Variants in GGA1 observed in about 807,000 individuals in gnomAD.
GGA1 encodes golgi associated, gamma adaptin ear containing, ARF binding protein 1, also known as ADP-ribosylation factor-binding protein GGA1.
GGA1 carries 18 observed loss-of-function variants against 76.9 expected under a neutral mutation model. The observed-to-expected ratio is 0.23, with a 90% CI of 0.16 to 0.35. The LOEUF is 0.35. Ranked by LOEUF, GGA1 falls within the 10% of genes least tolerant of loss-of-function variation. The pLI is 1.00. For synonymous variants in GGA1, 342 were observed against 354.7 expected (o/e 0.96, Z 0.40); for missense variants, 755 against 859.0 (o/e 0.88, Z 1.51).
At chr22:37,618,412 C>G in intron 3 of GGA1, 36 bp from the exon 4 acceptor site, 1 of 1,322,142 alleles carries the variant, frequency 7.6e-7, no homozygotes. Context: ...CTCTGATGCA[C>G]CTGGGCGTCC....
In GGA1 at chr22:37,625,191, C is replaced by A; in HGVS notation, c.940+115C>A. On this transcript the variant is annotated intron_variant, in intron 10 of 16. Coordinates refer to ENST00000343632, the MANE Select transcript of GGA1 (RefSeq NM_013365.5). This position sits in a 1 kb window ranked among gnomAD's most constrained non-coding sequence, Gnocchi z 4.1. ...GGAATGACTGCCAGGGTGACCCTGG[C>A]CCCTTAAGATGGGGAAGGCCCCAGG... 1.0e-6 allele frequency: 1 copy of A among 953,986 alleles called. No individual in the cohort carries two copies. The highest frequency in any genetic ancestry group is 1.6e-6 in the Non-Finnish European group (1 of 630,652). The allele number at this position is 953,986 out of a possible 1,614,324, so 59.1% of individuals were successfully genotyped here. A position where few individuals can be genotyped will look rare whatever the true frequency, so the allele number is the denominator to read the frequency against.
In GGA1 at chr22:37,608,882, G is replaced by C. The variant is rs1212633135; in HGVS notation, c.22G>C (p.Glu8Gln). 2 of 1,310,478 alleles carry C rather than the reference G, an allele frequency of 1.5e-6. No homozygotes were observed. Among genetic ancestry groups the C allele is most frequent in the Non-Finnish European group, 1.9e-6 (2 of 1,029,752 alleles). The allele number at this position is 1,310,478 out of a possible 1,614,324, so 81.2% of individuals were successfully genotyped here. The stretch of plus-strand genomic sequence containing the variant: ...GCGGATGGAGCCCGCGATGGAGCCG[G>C]AGACTCTGGAGGCGCGAATCAGTGA... Reference protein sequence around the residue: MEPAMEPETLEARINRAT... With the variant: MEPAMEPQTLEARINRAT... The change falls in exon 1 of 17, where the codon GAG becomes CAG. Residue 8 changes from glutamate to glutamine, a missense_variant. Transcript: ENST00000343632.
chr22:37,626,226 C>G, intron 11 of GGA1: 1 of 331,644 alleles, frequency 3.0e-6, no homozygotes, highest in East Asian at 4.6e-5. Context: ...GGGGGGAAAC[C>G]AGGGGATTTC....
chr22:37,623,603 A>G lies in GGA1; in HGVS notation c.802A>G (p.Ser268Gly). Residue 268 changes from serine (S) to glycine (G), a missense_variant, in exon 9 of 17, where the codon AGT becomes GGT. By Grantham distance (56) the Ser-to-Gly change is moderately conservative (BLOSUM62 0). Coordinates refer to ENST00000343632, the MANE Select transcript of GGA1 (RefSeq NM_013365.5). The surrounding 1 kb of genome is among the most constrained non-coding windows in gnomAD (Gnocchi z 4.6). ...GCGGCCCACGCTCTTCCGACTGGCG[A>G]GTGACACAGAGGACAATGATGAGGC... ...RMRPTLFRLA[S>G]DTEDNDEALA... 1 of 1,596,406 alleles carries G rather than the reference A, an allele frequency of 6.3e-7. No homozygotes were observed. The highest frequency in any genetic ancestry group is 2.3e-5 in the East Asian group (1 of 44,038).
chr22:37,617,817 G>A, intron 3 of GGA1: 6 of 953,576 alleles, frequency 6.3e-6, no homozygotes, highest in Non-Finnish European at 7.5e-6. Context: ...GCCTATATAA[G>A]GTTTTTTTAA....
chr22:37,623,528 ACCCG>A lies in GGA1; in HGVS notation c.751-20_751-17del, dbSNP rs771984370. The A allele has an allele frequency of 6.2e-7, 1 of 1,612,272 alleles. No homozygotes were observed. The highest frequency in any genetic ancestry group is 8.5e-7 in the Non-Finnish European group (1 of 1,178,992). ...CACTCCACAGCCCACGCGGACCCTG[ACCCG>A]CCCATCCTGCTGCCCTCAGGAACTG... is the stretch of plus-strand genomic sequence containing the variant. On this transcript the variant is annotated intron_variant, in intron 8 of 16. Coordinates refer to ENST00000343632, the MANE Select transcript of GGA1 (RefSeq NM_013365.5). This position sits in a 1 kb window ranked among gnomAD's most constrained non-coding sequence, Gnocchi z 4.6.
At chr22:37,620,692 C>T (rs915021972) in intron 5 of GGA1, 121 bp from the exon 6 acceptor site, 3 of 725,554 alleles carry the variant, frequency 4.1e-6, no homozygotes, top group East Asian at 2.5e-5. Flanking sequence ...CCAGAGCCAG[C>T]GTGCTGGCAA....
chr22:37,621,177 T>G (rs1414902622), intron 6 of GGA1, among the ~76,000 whole-genome samples: 1 of 152,224 alleles, frequency 6.6e-6, no homozygotes, highest in Non-Finnish European at 1.5e-5. Flanking sequence ...TATAAGAATT[T>G]CACTAATTTT....
chr22:37,611,096 C>T (rs1255501379), intron 1 of GGA1, among the ~76,000 whole-genome samples: 1 of 152,208 alleles, frequency 6.6e-6, no homozygotes, highest in Non-Finnish European at 1.5e-5. Flanking sequence ...GATTCTCTAA[C>T]TTTAGACTGA....
intron 4 of GGA1, among the ~76,000 whole-genome samples, chr22:37,618,959 T>C (rs1929327208): frequency 6.6e-6 from 1 of 152,210 alleles, no homozygotes; most frequent in South Asian, 2.1e-4. Flanking sequence ...GCAACCTCCC[T>C]GGACCTCAGC....
intron 11 of GGA1, 82 bp from the exon 12 acceptor site, chr22:37,629,380 T>C: frequency 1.1e-6 from 1 of 935,556 alleles, no homozygotes; most frequent in Non-Finnish European, 1.7e-6. Flanking sequence ...GGGAGCCCCA[T>C]GCCAGCACAC....
intron 1 of GGA1, among the ~76,000 whole-genome samples, chr22:37,609,774 G>T (rs1927159975): frequency 6.6e-6 from 1 of 152,164 alleles, no homozygotes; most frequent in South Asian, 2.1e-4. Context: ...CCCTGGTCTA[G>T]TGAGGGTTCT....
In GGA1 at chr22:37,609,199, A is replaced by T. The variant is rs550755037; in HGVS notation, c.43+296A>T. The T allele has an allele frequency of 1.4e-4, 182 of 1,334,624 alleles. 1 individual carries two copies. The African/African-American group carries it at 1.8e-3, about 13-fold the overall frequency. 82.7% of individuals were successfully genotyped at this position (1,334,624 alleles called of 1,614,324 possible). A position where few individuals can be genotyped will look rare whatever the true frequency, so the allele number is the denominator to read the frequency against. On this transcript the variant is annotated intron_variant, in intron 1 of 16. Transcript: ENST00000343632. Reference sequence around the variant, plus strand: ...CCCGGGACGGAGAGAGCAGCCTCCAACCCCCAAGGCTCACATTGCTTCACG... The same window carrying T: ...CCCGGGACGGAGAGAGCAGCCTCCATCCCCCAAGGCTCACATTGCTTCACG...
Position 37,623,717 on chromosome 22 carries a change from T to C in GGA1, c.832+84T>C. On this transcript the variant is annotated intron_variant, in intron 9 of 16. Transcript: ENST00000343632. The surrounding 1 kb of genome is among the most constrained non-coding windows in gnomAD (Gnocchi z 4.6). ...CACCTCCCCCAGGCCCTGCTAAGTA[T>C]CTGCAGTTGGAAGGAGCCACCACCA... 4.0e-6 allele frequency: 4 copies of C among 991,566 alleles called. No homozygotes were observed. The highest frequency in any genetic ancestry group is 4.6e-6 in the Non-Finnish European group (3 of 653,400). 61.4% of individuals were successfully genotyped at this position (991,566 alleles called of 1,614,324 possible).
chr22:37,632,244 CA>C lies in GGA1; in HGVS notation c.1698+80del, dbSNP rs1243002444. ...TGGAGCTGGGTGGGGAGCCACCTGT[CA>C]GGGGGCAGGTCTCCCTCCCTTGCTG... On this transcript the variant is annotated intron_variant, in intron 15 of 16. Coordinates refer to ENST00000343632, the MANE Select transcript of GGA1 (RefSeq NM_013365.5). This position sits in a 1 kb window ranked among gnomAD's most constrained non-coding sequence, Gnocchi z 5.1. 6.3e-6 allele frequency: 9 copies of C among 1,432,568 alleles called. No individual in the cohort carries two copies. The African/African-American group carries it at 1.1e-4, about 18-fold the overall frequency. The allele number at this position is 1,432,568 out of a possible 1,614,324, so 88.7% of individuals were successfully genotyped here.
Position 37,625,764 on chromosome 22 carries a change from C to T in GGA1, c.941-33C>T, listed in dbSNP as rs1930700616. 2 of 1,525,004 alleles carry T rather than the reference C, an allele frequency of 1.3e-6. No individual in the cohort carries two copies. The highest frequency in any genetic ancestry group is 1.8e-6 in the Non-Finnish European group (2 of 1,127,200). The allele number at this position is 1,525,004 out of a possible 1,614,324, so 94.5% of individuals were successfully genotyped here. A position where few individuals can be genotyped will look rare whatever the true frequency, so the allele number is the denominator to read the frequency against. On this transcript the variant is annotated intron_variant, in intron 10 of 16. Transcript: ENST00000343632. This position sits in a 1 kb window ranked among gnomAD's most constrained non-coding sequence, Gnocchi z 4.1. ...GGACTCTGAGAGACACGTGTACACC[C>T]AGGACTTGCCAGCCTCTTCTTTCCC...
rs539805120 is a variant in GGA1 at position 37,619,442 on chromosome 22, G to A, written c.304-796G>A. Among the ~76,000 whole-genome samples the A allele has an allele frequency of 2.1e-3, 315 of 149,322 alleles. 1 individual carries two copies. The highest frequency in any genetic ancestry group is 4.7e-3 in the Admixed American group (70 of 14,826). ...CACCCAAGCTGGAGTGCAATGGCGC[G>A]ATCTCAGCTCACTGCACCCTCCACC... On this transcript the variant is annotated intron_variant, in intron 4 of 16. Coordinates refer to ENST00000343632, the MANE Select transcript of GGA1 (RefSeq NM_013365.5).
In GGA1 at chr22:37,629,462, G is replaced by T. The variant is rs1931400019; in HGVS notation, c.1094G>T (p.Gly365Val). 6.3e-7 allele frequency: 1 copy of T among 1,591,494 alleles called. No homozygotes were observed. Among genetic ancestry groups the T allele is most frequent in the Non-Finnish European group, 8.5e-7 (1 of 1,169,606 alleles). ...CACCTCTCTCCTGCTTTCCCCTCAG[G>T]CCTCAGTGACCCCACACCCCCTTCA... ...SLLDDELMSL[G>V]LSDPTPPSGP... The change falls in exon 12 of 17, where the codon GGC becomes GTC. Residue 365 changes from glycine (G) to valine (V), a missense_variant and splice_region_variant. Coordinates refer to ENST00000343632, the MANE Select transcript of GGA1 (RefSeq NM_013365.5).
At chr22:37,609,316 A>G in intron 1 of GGA1, 1 of 1,107,906 alleles carries the variant, frequency 9.0e-7, no homozygotes, top group Non-Finnish European at 1.1e-6. Flanking sequence ...TCAGGCCCCG[A>G]ATCCTCCACT....
Sources: allele counts gnomAD v4.1 joint callset (sites outside exome capture counted in the v4.1 genomes callset), GRCh38; gene constraint gnomAD v4.1.1; non-coding constraint Gnocchi (gnomAD v3.1); transcripts MANE v1.5; gene names NCBI Gene and HGNC (gene_info 2026-07-23, HGNC 2026-07-21).